TJP1: variants seen among roughly 807,000 people sequenced by gnomAD.
TJP1 encodes tight junction protein ZO-1.
In TJP1, 43 loss-of-function variants were observed where a neutral mutation model predicts 194.2. The ratio of observed to expected loss-of-function variants is 0.22; its 90% confidence interval spans 0.17 to 0.29. The LOEUF is 0.29. Among genes scored for constraint, TJP1 ranks in the 10% least tolerant of loss-of-function variants. The pLI, the probability that TJP1 is intolerant of heterozygous loss-of-function variation, is 1.00. For missense variants in TJP1, 1,971 were observed against 2,185.7 expected (o/e 0.90, Z 1.96); for synonymous variants, 801 against 779.0 (o/e 1.03, Z -0.47).
At chr15:29,776,880 T>C (rs960205399) in intron 2 of TJP1, among the ~76,000 whole-genome samples, 6 of 152,228 alleles carry the variant, frequency 3.9e-5, no homozygotes, top group Non-Finnish European at 8.8e-5. Flanking sequence ...TTTTCATTGT[T>C]AGCAACAAAT....
At position 29,710,880 on chromosome 15, in the gene TJP1, A is replaced by G. The variant is rs1357436439; in HGVS notation, c.4323T>C (p.Pro1441=). 1 of 1,614,132 alleles carries G rather than the reference A, an allele frequency of 6.2e-7. No homozygotes were observed. Among genetic ancestry groups the G allele is most frequent in the Middle Eastern group, 1.7e-4 (1 of 6,016 alleles). ...LPSQYAQPSQ[P]VTSASLHIHS... Reference sequence around the variant, plus strand: ...GTATGTGGAGAGACGCGCTGGTGACAGGCTGAGATGGCTGGGCATACTGCG... The same window carrying G: ...GTATGTGGAGAGACGCGCTGGTGACGGGCTGAGATGGCTGGGCATACTGCG... Residue 1441 remains proline (P), a synonymous_variant, in exon 24 of 28, where the codon CCT becomes CCC. Transcript: ENST00000614355.
At chr15:29,907,170 G>A (rs986910025) in intron 2 of TJP1, among the ~76,000 whole-genome samples, 2 of 152,158 alleles carry the variant, frequency 1.3e-5, no homozygotes, top group African/African-American at 4.8e-5. Context: ...AGCACTTTGG[G>A]AGGTCGGGGC....
chr15:29,955,753 TAAAAAAAAAA>T (rs563535771), intron 2 of TJP1, among the ~76,000 whole-genome samples: 16 of 35,814 alleles, frequency 4.5e-4, no homozygotes, highest in East Asian at 2.2e-3. Context: ...CCTGGCTCTT[TAAAAAAAAAA>T]AAAAAAAAAA....
chr15:29,968,387 C>T (rs926581771), intron 1 of TJP1: 1 of 985,178 alleles, frequency 1.0e-6, no homozygotes, highest in Non-Finnish European at 1.2e-6. Context: ...GGTGCGGGTG[C>T]CAGGCGTCCC....
chr15:29,941,859 T>C (rs1214547734), intron 2 of TJP1, among the ~76,000 whole-genome samples: 1 of 150,250 alleles, frequency 6.7e-6, no homozygotes, highest in Non-Finnish European at 1.5e-5. Flanking sequence ...GACAGGGGAG[T>C]CTCAGATGAA....
chr15:29,934,703 C>T (rs2054827459), intron 2 of TJP1, among the ~76,000 whole-genome samples: 2 of 152,260 alleles, frequency 1.3e-5, no homozygotes, highest in East Asian at 3.9e-4. Flanking sequence ...GAACATTTAC[C>T]TTCTATGTGT....
intron 2 of TJP1, among the ~76,000 whole-genome samples, chr15:29,894,899 A>G (rs2053428650): frequency 6.6e-6 from 1 of 152,218 alleles, no homozygotes; most frequent in Admixed American, 6.5e-5. Flanking sequence ...ACCTGGGCCT[A>G]CTAAAGCCAA....
At position 29,705,742 on chromosome 15, in the gene TJP1, A is replaced by T. The variant is rs946628136; in HGVS notation, c.4854T>A (p.Pro1618=). Residue 1618 remains proline (P), a synonymous_variant, in exon 26 of 28, where the codon CCT becomes CCA. Transcript: ENST00000614355. Reference sequence around the variant, plus strand: ...CATCTTCATCCTCTTCCACAGCTGAAGGACTGAAAGTTCAGAAATGGCTAG... The same window carrying T: ...CATCTTCATCCTCTTCCACAGCTGATGGACTGAAAGTTCAGAAATGGCTAG... ...STVPKAIPVS[P]SAVEEDEDED... 1 of 1,614,112 alleles carries T rather than the reference A, an allele frequency of 6.2e-7. No homozygotes were observed. The highest frequency in any genetic ancestry group is 8.5e-7 in the Non-Finnish European group (1 of 1,180,016).
rs75389152 is a variant in TJP1 at position 29,778,610 on chromosome 15, C to T, written c.85-5253G>A. Among the ~76,000 whole-genome samples the T allele has an allele frequency of 3.9e-3, 590 of 152,232 alleles. 6 individuals are homozygous for T. The highest frequency in any genetic ancestry group is 0.014 in the African/African-American group (564 of 41,526). On this transcript the variant is annotated intron_variant, in intron 2 of 27. Transcript: ENST00000614355. ...CCCCAAGTCCAAATTCCTTAGCATG[C>T]AGTGCCTTTGAATACAACTCCAAAC...
At chr15:29,939,574 C>A (rs1362507598) in intron 2 of TJP1, among the ~76,000 whole-genome samples, 5 of 152,180 alleles carry the variant, frequency 3.3e-5, no homozygotes, top group African/African-American at 4.8e-5. Context: ...GCTGGTGAGT[C>A]ATAAGAGAAG....
At chr15:29,796,349 AAAC>A (rs1347516492) in intron 2 of TJP1, among the ~76,000 whole-genome samples, 1 of 151,674 alleles carries the variant, frequency 6.6e-6, no homozygotes, top group African/African-American at 2.4e-5. Context: ...ATAAAAAAAA[AAAC>A]AAAAAAAAAC....
intron 2 of TJP1, among the ~76,000 whole-genome samples, chr15:29,934,000 A>G (rs1305609513): frequency 6.6e-6 from 1 of 151,786 alleles, no homozygotes; most frequent in African/African-American, 2.4e-5. Flanking sequence ...CATCCACACT[A>G]AACTATACCT....
At chr15:29,848,476 T>G (rs1032005120) in intron 2 of TJP1, among the ~76,000 whole-genome samples, 1 of 152,254 alleles carries the variant, frequency 6.6e-6, no homozygotes, top group South Asian at 2.1e-4. Flanking sequence ...TTCTAGATAT[T>G]ATCTATGTAG....
intron 15 of TJP1, chr15:29,730,828 C>G: frequency 2.0e-6 from 2 of 991,578 alleles, no homozygotes; most frequent in Non-Finnish European, 3.2e-6. Context: ...AAGCCAGAGC[C>G]CAAGCCTAAA....
chr15:29,708,757 T>C lies in TJP1; in HGVS notation c.4652A>G (p.Asn1551Ser), dbSNP rs764591852. The change falls in exon 25 of 28, where the codon AAT becomes AGT. Residue 1551 changes from asparagine (N) to serine (S), a missense_variant. Around this residue, in one of 5 missense-constraint regions of TJP1, gnomAD observed 1,108 missense variants for 1,128.5 expected, o/e 0.98. Transcript: ENST00000614355. ...RKFESPKFNH[N>S]LLPSETAHKP... ...ATGTGCAGTTTCACTTGGCAGAAGATTGTGATTGAATTTAGGACTTTCAAA... is the reference window on the plus strand; with the variant it reads ...ATGTGCAGTTTCACTTGGCAGAAGACTGTGATTGAATTTAGGACTTTCAAA... 6.2e-6 allele frequency: 10 copies of C among 1,614,098 alleles called. No homozygotes were observed. Among genetic ancestry groups the C allele is most frequent in the South Asian group, 2.2e-5 (2 of 91,088 alleles).
chr15:29,784,636 A>G (rs2047582066), intron 2 of TJP1, among the ~76,000 whole-genome samples: 1 of 152,104 alleles, frequency 6.6e-6, no homozygotes. Flanking sequence ...ACTGACCTTC[A>G]AGTACAAAAA....
chr15:29,786,812 CTG>C (rs750770710), intron 2 of TJP1, among the ~76,000 whole-genome samples: 4 of 152,132 alleles, frequency 2.6e-5, no homozygotes, highest in Non-Finnish European at 5.9e-5. Context: ...CATTTAAAAA[CTG>C]TAAATTAAAC....
chr15:29,935,718 C>A (rs2054861217), intron 2 of TJP1, among the ~76,000 whole-genome samples: 3 of 152,186 alleles, frequency 2.0e-5, no homozygotes, highest in African/African-American at 7.2e-5. Context: ...TCCCCTACAC[C>A]CCCGTTCCTG....
At chr15:29,883,278 GCA>G (rs71983023) in intron 2 of TJP1, among the ~76,000 whole-genome samples, 25,227 of 152,130 alleles carry the variant, frequency 0.17, 2,409 homozygotes, top group East Asian at 0.37. Context: ...TCCGTTTCCT[GCA>G]GCCCTGGGAC....
Sources: gnomAD v4.1 joint callset for allele counts (sites outside exome capture counted in the v4.1 genomes callset) on GRCh38, gnomAD v4.1.1 for gene constraint, gnomAD v4.1.1 regional missense constraint, MANE v1.5 for transcripts, NCBI Gene and HGNC (gene_info 2026-07-23, HGNC 2026-07-21) for gene names.